DNAH9: variants seen among roughly 807,000 people sequenced by gnomAD.
The protein encoded by DNAH9 is dynein axonemal heavy chain 9, also known as DNAH9 variant protein.
In DNAH9, 345 loss-of-function variants were observed where a neutral mutation model predicts 471.6. That is an observed-to-expected ratio of 0.73 (90% CI 0.67 to 0.80). DNAH9 has a LOEUF of 0.80. Among genes scored for constraint, DNAH9 ranks in the 30% least tolerant of loss-of-function variants. The pLI is 0.00. For synonymous variants in DNAH9, 2,093 were observed against 2,123.6 expected (o/e 0.99, Z 0.40); for missense variants, 5,407 against 5,609.2 (o/e 0.96, Z 1.15).
intron 8 of DNAH9, among the ~76,000 whole-genome samples, chr17:11,636,301 G>A (rs1175121075): frequency 6.6e-6 from 1 of 152,192 alleles, no homozygotes. Context: ...ACCGCGCCTG[G>A]CCTGTTCCAG....
chr17:11,699,878 G>A lies in DNAH9; in HGVS notation c.5020G>A (p.Gly1674Arg), dbSNP rs140721719. 11 of 1,613,974 alleles carry A rather than the reference G, an allele frequency of 6.8e-6. No individual in the cohort carries two copies. The highest frequency in any genetic ancestry group is 6.7e-5 in the Admixed American group (4 of 60,002). The change falls in exon 23 of 69, where the codon GGG becomes AGG. Residue 1674 changes from glycine to arginine, a missense_variant. Physicochemically the swap from Gly to Arg is moderately radical, Grantham distance 125. Coordinates refer to ENST00000262442, the MANE Select transcript of DNAH9 (RefSeq NM_001372.4). ...VAFSEPCDCS[G>R]QVEIWLNHVL... ...TTTCAGTGAGCCCTGTGACTGCAGC[G>A]GGCAGGTAACACAGTAGCCCTTTCC...
intron 49 of DNAH9, among the ~76,000 whole-genome samples, chr17:11,844,474 C>T (rs1041744599): frequency 6.1e-4 from 93 of 152,246 alleles, no homozygotes; most frequent in Middle Eastern, 3.4e-3. Flanking sequence ...GGAGCGATCT[C>T]GGCTCACTGC....
chr17:11,738,806 G>C (rs1359660231), intron 28 of DNAH9, 74 bp from the exon 29 acceptor site: 1 of 1,338,164 alleles, frequency 7.5e-7, no homozygotes, highest in Non-Finnish European at 1.1e-6. Flanking sequence ...GTGACTACAG[G>C]GTTCCAGCTT....
At chr17:11,869,097 G>T (rs138575686) in intron 50 of DNAH9, 37 bp from the exon 51 acceptor site, 2 of 1,606,036 alleles carry the variant, frequency 1.2e-6, no homozygotes, top group Admixed American at 1.7e-5. Flanking sequence ...TACATGGGCC[G>T]AAATGACTGA....
At chr17:11,964,850 C>T (rs1976554583) in intron 68 of DNAH9, among the ~76,000 whole-genome samples, 1 of 151,900 alleles carries the variant, frequency 6.6e-6, no homozygotes, top group African/African-American at 2.4e-5. Flanking sequence ...AAGCCCTGTT[C>T]CCCACCCCCC....
rs753276964 is a variant in DNAH9 at position 11,952,309 on chromosome 17, C to CTTTTTTTT, written c.12844-9537_12844-9530dup. Among the ~76,000 whole-genome samples the CTTTTTTTT allele has an allele frequency of 4.8e-4, 34 of 71,080 alleles. 5 individuals are homozygous for CTTTTTTTT. The highest frequency in any genetic ancestry group is 9.3e-4 in the African/African-American group (15 of 16,114). 46.6% of individuals were successfully genotyped at this position (71,080 alleles called of 152,430 possible). A position where few individuals can be genotyped will look rare whatever the true frequency, so the allele number is the denominator to read the frequency against. On this transcript the variant is annotated intron_variant, in intron 67 of 68. Transcript: ENST00000262442. ...CATGCACCATTACACCCAGCTAATT[C>CTTTTTTTT]TTTTTTTTTTTTTTTTTTTTTTTTT...
chr17:11,886,849 G>A lies in DNAH9; in HGVS notation c.10996G>A (p.Val3666Met), dbSNP rs1389652735. Residue 3666 changes from valine to methionine, a missense_variant, in exon 57 of 69, where the codon GTG (valine) becomes ATG (methionine). Val to Met is a conservative substitution (Grantham distance 21, BLOSUM62 1). Coordinates refer to ENST00000262442, the MANE Select transcript of DNAH9 (RefSeq NM_001372.4). The stretch of plus-strand genomic sequence containing the variant: ...GGTCCAGGAGGCCAAGGTGACTGAA[G>A]TGAAAATCAACGAGGCCCGAGAGCA... ...KKVQEAKVTE[V>M]KINEAREHYR... The A allele has an allele frequency of 1.9e-6, 3 of 1,612,078 alleles. No homozygotes were observed. The highest frequency in any genetic ancestry group is 1.3e-5 in the African/African-American group (1 of 74,902).
At chr17:11,827,374 GC>G (rs1192366872) in intron 48 of DNAH9, among the ~76,000 whole-genome samples, 6 of 152,206 alleles carry the variant, frequency 3.9e-5, no homozygotes, top group Non-Finnish European at 8.8e-5. Flanking sequence ...GCCTCAGGGA[GC>G]TTTTACTGAT....
chr17:11,728,392 G>A (rs1419652525), intron 28 of DNAH9, among the ~76,000 whole-genome samples: 1 of 152,006 alleles, frequency 6.6e-6, no homozygotes, highest in African/African-American at 2.4e-5. Flanking sequence ...TCGCTTCTGG[G>A]GTGAGATTTT....
intron 68 of DNAH9, among the ~76,000 whole-genome samples, chr17:11,963,539 C>T (rs953913112): frequency 1.3e-5 from 2 of 149,838 alleles, no homozygotes; most frequent in Non-Finnish European, 1.5e-5. Flanking sequence ...TTAATAAAAA[C>T]TAACTATCCG....
chr17:11,703,962 C>T (rs1473545135), intron 24 of DNAH9, among the ~76,000 whole-genome samples: 2 of 152,222 alleles, frequency 1.3e-5, no homozygotes, highest in African/African-American at 4.8e-5. Flanking sequence ...ATCTTGGGTT[C>T]TTCTCAACCG....
At chr17:11,885,390 G>A (rs753932347) in intron 56 of DNAH9, among the ~76,000 whole-genome samples, 6 of 152,170 alleles carry the variant, frequency 3.9e-5, no homozygotes, top group Non-Finnish European at 5.9e-5. Flanking sequence ...CGTTGTATAG[G>A]GCTGTGTAAA....
In DNAH9 at chr17:11,690,062, C is replaced by A; in HGVS notation, c.4240C>A (p.His1414Asn). 6.2e-7 allele frequency: 1 copy of A among 1,614,186 alleles called. No individual in the cohort carries two copies. Among genetic ancestry groups the A allele is most frequent in the Non-Finnish European group, 8.5e-7 (1 of 1,180,032 alleles). Residue 1414 changes from histidine (H) to asparagine (N), a missense_variant, in exon 20 of 69, where the codon CAC (histidine) becomes AAC (asparagine). Transcript: ENST00000262442. ...AGCGCACCTGCTGCAGCTCCAGCTG[C>A]ACCACTATGAGGATGAGGTCCGGGG... ...TLAHLLQLQL[H>N]HYEDEVRGIV...
intron 45 of DNAH9, among the ~76,000 whole-genome samples, chr17:11,817,377 G>A (rs909991287): frequency 2.0e-5 from 3 of 152,128 alleles, no homozygotes; most frequent in East Asian, 1.9e-4. Flanking sequence ...ATTTGAGCAC[G>A]GAAAATGTCT....
chr17:11,850,645 C>T (rs944518033), intron 49 of DNAH9, among the ~76,000 whole-genome samples: 2 of 67,872 alleles, frequency 2.9e-5, no homozygotes, highest in African/African-American at 5.2e-5. Context: ...TGTGAGACTC[C>T]ATGTCAAAAA....
At chr17:11,605,787 C>CTATGGCT (rs914444135) in intron 1 of DNAH9, among the ~76,000 whole-genome samples, 4 of 151,800 alleles carry the variant, frequency 2.6e-5, no homozygotes, top group African/African-American at 9.7e-5. Flanking sequence ...CAGGCGTGAG[C>CTATGGCT]CACCGCACCT....
At chr17:11,804,885 A>AG (rs1351072514) in intron 43 of DNAH9, among the ~76,000 whole-genome samples, 62 of 151,956 alleles carry the variant, frequency 4.1e-4, no homozygotes, top group African/African-American at 1.4e-3. Context: ...AAAAAAAAAA[A>AG]AAAAGTTCTT....
chr17:11,719,343 C>T lies in DNAH9; in HGVS notation c.5562C>T (p.Ile1854=). ...CTCCCGTGTTTGGCAGGTGCTACAT[C>T]ACCCTCACCCAGTCCCTGCACCTGA... The part of the protein sequence containing the change: ...VITPLTDRCY[I]TLTQSLHLTM... Residue 1854 remains isoleucine, a synonymous_variant, in exon 27 of 69, where the codon ATC becomes ATT. Transcript: ENST00000262442. 5.0e-6 allele frequency: 8 copies of T among 1,613,956 alleles called. No individual in the cohort carries two copies. Among genetic ancestry groups the T allele is most frequent in the Non-Finnish European group, 6.8e-6 (8 of 1,179,944 alleles).
chr17:11,939,807 C>CATGG (rs57669174), intron 66 of DNAH9, among the ~76,000 whole-genome samples: 61,934 of 147,112 alleles, frequency 0.42, 14,419 homozygotes, highest in Non-Finnish European at 0.55. Context: ...ATGTTAGATA[C>CATGG]ATGGATGGAT....
Sources: allele counts gnomAD v4.1 joint callset (sites outside exome capture counted in the v4.1 genomes callset), GRCh38; gene constraint gnomAD v4.1.1; transcripts MANE v1.5; gene names NCBI Gene and HGNC (gene_info 2026-07-23, HGNC 2026-07-21).